Variants in ACSL4 observed in about 807,000 individuals in gnomAD.
The protein encoded by ACSL4 is acyl-CoA synthetase long chain family member 4, also known as long-chain-fatty-acid--CoA ligase 4.
A neutral mutation model predicts 49.1 loss-of-function variants in ACSL4; 9 were observed. That is an observed-to-expected ratio of 0.18 (90% confidence interval 0.11 to 0.32). The LOEUF is 0.32. Among genes scored for constraint, ACSL4 ranks in the 10% least tolerant of loss-of-function variants. The pLI is 1.00. For missense variants in ACSL4, 333 were observed against 493.7 expected, an observed-to-expected ratio of 0.67 and a Z score of 3.08; for synonymous variants, 191 against 170.3, an observed-to-expected ratio of 1.12 and a Z score of -0.95.
chrX:109,683,145 A>C lies in ACSL4; in HGVS notation c.219T>G (p.Val73=). The C allele has an allele frequency of 8.3e-7, 1 of 1,210,179 alleles. No individual in the cohort carries two copies. The highest frequency in any genetic ancestry group is 1.1e-6 in the Non-Finnish European group (1 of 894,534). Residue 73 remains valine, a synonymous_variant, in exon 3 of 16, where the codon GTT becomes GTG. Coordinates refer to ENST00000672401, the MANE Select transcript of ACSL4 (RefSeq NM_001318510.2). ...CACCAAAATACTTTACCTTCTTAAAAACTTTTCCATTTGGCTGCATTTCAT... is the reference window on the plus strand; with the variant it reads ...CACCAAAATACTTTACCTTCTTAAACACTTTTCCATTTGGCTGCATTTCAT... The part of the protein sequence containing the change: ...EENEMQPNGK[V]FKKLILGNYK...
At chrX:109,706,294 C>T (rs1175215400) in intron 1 of ACSL4, among the ~76,000 whole-genome samples, 1 of 112,185 alleles carries the variant, frequency 8.9e-6, no homozygotes, top group Non-Finnish European at 1.9e-5. Flanking sequence ...ATGTGCTTCC[C>T]TCTATACTAA....
At chrX:109,719,571 T>C (rs939921485) in intron 1 of ACSL4, among the ~76,000 whole-genome samples, 34 of 112,529 alleles carry the variant, frequency 3.0e-4, no homozygotes, top group African/African-American at 1.1e-3. Context: ...AGGAATAAAA[T>C]AGAAGGTGGG....
chrX:109,663,893 A>C (rs770497374), intron 12 of ACSL4, among the ~76,000 whole-genome samples: 86 of 111,458 alleles, frequency 7.7e-4, no homozygotes, highest in African/African-American at 2.4e-3. Flanking sequence ...AAATTGTATT[A>C]ATTTTGCCTG....
intron 1 of ACSL4, among the ~76,000 whole-genome samples, chrX:109,730,128 G>C (rs1220224261): frequency 8.9e-6 from 1 of 112,181 alleles, no homozygotes; most frequent in African/African-American, 3.2e-5. Flanking sequence ...ATCTGAGTAA[G>C]GTTGATGGAT....
intron 15 of ACSL4, among the ~76,000 whole-genome samples, chrX:109,646,019 T>C (rs1310857846): frequency 8.9e-6 from 1 of 111,814 alleles, no homozygotes; most frequent in African/African-American, 3.3e-5. Context: ...TATGGGACTA[T>C]GTGAAAAGAC....
At chrX:109,648,427 A>C (rs1934841219) in intron 15 of ACSL4, among the ~76,000 whole-genome samples, 1 of 111,894 alleles carries the variant, frequency 8.9e-6, no homozygotes, top group African/African-American at 3.3e-5. Context: ...CAAAAACCAC[A>C]TGATTATCTC....
intron 2 of ACSL4, among the ~76,000 whole-genome samples, chrX:109,687,075 T>G (rs746030827): frequency 2.7e-5 from 3 of 112,111 alleles, no homozygotes; most frequent in African/African-American, 9.7e-5. Flanking sequence ...AGCCCTCATC[T>G]TACAGAGAAG....
At position 109,663,401 on chromosome X, in the gene ACSL4, G is replaced by A. The variant is rs779703364; in HGVS notation, c.1392C>T (p.Gly464=). 107 of 1,202,211 alleles carry A rather than the reference G, an allele frequency of 8.9e-5. No individual in the cohort carries two copies. The highest frequency in any genetic ancestry group is 6.2e-4 in the South Asian group (35 of 56,518). The change falls in exon 13 of 16, where the codon GGC becomes GGT. Residue 464 remains glycine (G), a splice_region_variant and synonymous_variant. Coordinates refer to ENST00000672401, the MANE Select transcript of ACSL4 (RefSeq NM_001318510.2). ...CEIKLKDWQE[G]GYTINDKPNP... ...TTGGCTTGTCATTAATTGTATAACCGCCTGGAAATCATAAAAGTAAATTAG... is the reference window on the plus strand; with the variant it reads ...TTGGCTTGTCATTAATTGTATAACCACCTGGAAATCATAAAAGTAAATTAG...
chrX:109,699,377 G>T (rs1451937102), intron 1 of ACSL4, among the ~76,000 whole-genome samples: 7 of 112,152 alleles, frequency 6.2e-5, no homozygotes, highest in Non-Finnish European at 1.3e-4. Context: ...CATTAAGAAA[G>T]TTTTTAGCAT....
At chrX:109,724,343 T>C (rs1927798660) in intron 1 of ACSL4, among the ~76,000 whole-genome samples, 1 of 111,174 alleles carries the variant, frequency 9.0e-6, no homozygotes, top group African/African-American at 3.3e-5. Flanking sequence ...GGAGTGACCT[T>C]GGATCGCTGC....
intron 15 of ACSL4, among the ~76,000 whole-genome samples, chrX:109,655,972 C>G (rs956946259): frequency 2.7e-5 from 3 of 110,852 alleles, no homozygotes; most frequent in Admixed American, 1.9e-4. Context: ...AAAAATTTAC[C>G]TCCCATGCAC....
At chrX:109,649,732 A>C (rs1471855901) in intron 15 of ACSL4, among the ~76,000 whole-genome samples, 1 of 110,044 alleles carries the variant, frequency 9.1e-6, no homozygotes, top group Non-Finnish European at 1.9e-5. Context: ...CATCAGAGTG[A>C]ACAGGCAACC....
At chrX:109,732,928 T>C (rs1928586062) in intron 1 of ACSL4, 4 of 302,370 alleles carry the variant, frequency 1.3e-5, no homozygotes, top group Non-Finnish European at 2.6e-5. Context: ...GCAGATACAG[T>C]GACCTCGGGA....
chrX:109,732,431 T>C (rs1352929042), intron 1 of ACSL4, among the ~76,000 whole-genome samples: 1 of 111,262 alleles, frequency 9.0e-6, no homozygotes, highest in Non-Finnish European at 1.9e-5. Context: ...CAGCCACAGT[T>C]CTTTCAGGCA....
chrX:109,714,612 GTTTT>G (rs544663673), intron 1 of ACSL4, among the ~76,000 whole-genome samples: 1 of 108,812 alleles, frequency 9.2e-6, no homozygotes, highest in African/African-American at 3.3e-5. Flanking sequence ...CTTTTATACC[GTTTT>G]TTTTTACAGT....
At chrX:109,663,927 T>C (rs1439742410) in intron 12 of ACSL4, among the ~76,000 whole-genome samples, 1 of 111,172 alleles carries the variant, frequency 9.0e-6, no homozygotes, top group African/African-American at 3.3e-5. Flanking sequence ...CTTTAGAAGT[T>C]CAAACACTAA....
intron 11 of ACSL4, among the ~76,000 whole-genome samples, chrX:109,666,893 C>A (rs1488245248): frequency 8.9e-6 from 1 of 111,816 alleles, no homozygotes; most frequent in Non-Finnish European, 1.9e-5. Context: ...CCAGCCTGGG[C>A]AACAGAGCAA....
chrX:109,692,055 T>C (rs1925077654), intron 2 of ACSL4: 1 of 111,708 alleles, frequency 9.0e-6, no homozygotes. Flanking sequence ...TATTAACTCC[T>C]GAAGTCGCCA....
At chrX:109,660,648 T>C (rs1922100146) in intron 14 of ACSL4, among the ~76,000 whole-genome samples, 1 of 111,628 alleles carries the variant, frequency 9.0e-6, no homozygotes, top group African/African-American at 3.2e-5. Flanking sequence ...CCTAGGAGCA[T>C]TATTCACAAC....
Sources: gnomAD v4.1 joint callset for allele counts (sites outside exome capture counted in the v4.1 genomes callset) on GRCh38, gnomAD v4.1.1 for gene constraint, MANE v1.5 for transcripts, NCBI Gene and HGNC (gene_info 2026-07-23, HGNC 2026-07-21) for gene names.